Variants in THOC5 observed in about 807,000 individuals in gnomAD.
The protein encoded by THOC5 is Fms-interacting protein.
THOC5 carries 43 observed loss-of-function variants against 92.9 expected under a neutral mutation model. The ratio of observed to expected loss-of-function variants is 0.46; its 90% confidence interval spans 0.36 to 0.60. The LOEUF (loss-of-function observed/expected upper bound fraction) is 0.60. Among genes scored for constraint, THOC5 ranks in the 20% least tolerant of loss-of-function variants. The probability of loss-of-function intolerance (pLI) is 0.00; values close to 1 mark genes in which losing one functional copy is unlikely to be tolerated. For synonymous variants in THOC5, 296 were observed against 320.1 expected, an observed-to-expected ratio of 0.92 and a Z score of 0.80; for missense variants, 659 against 849.4, an observed-to-expected ratio of 0.78 and a Z score of 2.79.
At chr22:29,523,524 G>C (rs1374494522) in intron 12 of THOC5, among the ~76,000 whole-genome samples, 3 of 152,124 alleles carry the variant, frequency 2.0e-5, no homozygotes. Context: ...CAGGTAGAAA[G>C]ACGAACACGT....
In THOC5 at chr22:29,512,065, T is replaced by A. The variant is rs1431155805; in HGVS notation, c.1753A>T (p.Asn585Tyr). The change falls in exon 18 of 20, where the codon AAC becomes TAC. Residue 585 changes from asparagine to tyrosine, a missense_variant. Asn to Tyr is a moderately radical substitution (Grantham distance 143). Transcript: ENST00000490103. The stretch of plus-strand genomic sequence containing the variant: ...CTGTTGGTTTTCTCCCCTTTCCAGT[T>A]CAAACAGAGCTGGAAAACAGGTGGG... The part of the protein sequence containing the change: ...SIPPVFQLCL[N>Y]WKGEKTNSND... The A allele has an allele frequency of 6.2e-7, 1 of 1,614,100 alleles. No individual in the cohort carries two copies. Among genetic ancestry groups the A allele is most frequent in the Non-Finnish European group, 8.5e-7 (1 of 1,179,992 alleles).
chr22:29,549,254 A>G, intron 1 of THOC5, 96 bp from the exon 2 acceptor site: 1 of 1,044,908 alleles, frequency 9.6e-7, no homozygotes, highest in Non-Finnish European at 1.5e-6. Context: ...TAACTCAAGG[A>G]AAGTCATTTA....
At chr22:29,528,983 G>T in intron 9 of THOC5, 179 bp downstream of exon 9, 1 of 615,490 alleles carries the variant, frequency 1.6e-6, no homozygotes, top group Non-Finnish European at 2.8e-6. Flanking sequence ...TGAAATCCAC[G>T]GGCCGCACCT....
In THOC5 at chr22:29,531,953, G is replaced by A. The variant is rs775359319; in HGVS notation, c.725C>T (p.Pro242Leu). Residue 242 changes from proline to leucine, a missense_variant, in exon 8 of 20, where the codon CCG (proline) becomes CTG (leucine). Coordinates refer to ENST00000490103, the MANE Select transcript of THOC5 (RefSeq NM_003678.5). ...TGGCATAAACAGGTACTCCTGCACC[G>A]GAAGGGAAGCCTGCACACAAGAGAC... is the stretch of plus-strand genomic sequence containing the variant. Reference protein sequence around the residue: ...RLNSIMQASLPVQEYLFMPFD... With the variant: ...RLNSIMQASLLVQEYLFMPFD... 10 of 1,613,998 alleles carry A rather than the reference G, an allele frequency of 6.2e-6. No individual in the cohort carries two copies. Among genetic ancestry groups the A allele is most frequent in the East Asian group, 2.2e-5 (1 of 44,878 alleles).
chr22:29,539,254 T>C, intron 6 of THOC5, 76 bp downstream of exon 6: 1 of 1,489,972 alleles, frequency 6.7e-7, no homozygotes, highest in Admixed American at 2.0e-5. Context: ...TTGCACAGTG[T>C]TTTGCTGCCT....
chr22:29,532,042 A>G (rs979598298), intron 7 of THOC5, 79 bp from the exon 8 acceptor site: 3 of 1,528,556 alleles, frequency 2.0e-6, no homozygotes, highest in African/African-American at 2.8e-5. Context: ...AGTGACCGTA[A>G]ATCATTATTT....
chr22:29,518,990 C>CATGG lies in THOC5; in HGVS notation c.1489+15_1489+16insCCAT, dbSNP rs1681936146. The CATGG allele has an allele frequency of 4.0e-6, 6 of 1,518,672 alleles. No homozygotes were observed. Among genetic ancestry groups the CATGG allele is most frequent in the Non-Finnish European group, 5.4e-6 (6 of 1,105,746 alleles). 94.1% of individuals were successfully genotyped at this position (1,518,672 alleles called of 1,614,324 possible). A position where few individuals can be genotyped will look rare whatever the true frequency, so the allele number is the denominator to read the frequency against. ...GTCTGAGTGACTCTTAAACCACTGCCCCATCATCAGCTTACCTAGGGATGC... is the reference window on the plus strand; with the variant it reads ...GTCTGAGTGACTCTTAAACCACTGCCATGGCCATCATCAGCTTACCTAGGGATGC... On this transcript the variant is annotated intron_variant, in intron 15 of 19. Transcript: ENST00000490103.
intron 12 of THOC5, among the ~76,000 whole-genome samples, chr22:29,525,047 A>AG (rs2063516706): frequency 6.6e-6 from 1 of 152,120 alleles, no homozygotes; most frequent in Non-Finnish European, 1.5e-5. Flanking sequence ...CAGAGACGGG[A>AG]GGAGTGCTTG....
chr22:29,515,028 T>A (rs1436819026), intron 17 of THOC5, among the ~76,000 whole-genome samples: 1 of 144,912 alleles, frequency 6.9e-6, no homozygotes, highest in Non-Finnish European at 1.5e-5. Context: ...TAAATTAAGG[T>A]ATATATATTG....
rs147209056 is a variant in THOC5 at position 29,545,335 on chromosome 22, G to A, written c.97-732C>T. Reference sequence around the variant, plus strand: ...TTTAAATCCCAAACCATATCATTCCGCCCCTGGCCCCTCCGAATCTCATGT... The same window carrying A: ...TTTAAATCCCAAACCATATCATTCCACCCCTGGCCCCTCCGAATCTCATGT... On this transcript the variant is annotated intron_variant, in intron 2 of 19. Coordinates refer to ENST00000490103, the MANE Select transcript of THOC5 (RefSeq NM_003678.5). 2.4e-4 allele frequency among the ~76,000 whole-genome samples: 36 copies of A among 152,014 alleles called. 1 individual carries two copies. The highest frequency in any genetic ancestry group is 2.2e-4 in the African/African-American group (9 of 41,444).
At position 29,511,205 on chromosome 22, in the gene THOC5, C is replaced by G. The variant is rs1485508597; in HGVS notation, c.1889G>C (p.Cys630Ser). ...QLLTNQLQRL[C>S]VLLDVYLETE... is the part of the protein sequence containing the mutation. ...CTCCAGGTAAACATCCAGCAGCACA[C>G]ACAGCCGCTGCAGCTGGTTGGTCAA... is the stretch of plus-strand genomic sequence containing the variant. Residue 630 changes from cysteine to serine, a missense_variant, in exon 19 of 20, where the codon TGT becomes TCT. Physicochemically the swap from Cys to Ser is moderately radical, Grantham distance 112. Transcript: ENST00000490103. 2 of 1,614,132 alleles carry G rather than the reference C, an allele frequency of 1.2e-6. No individual in the cohort carries two copies. The highest frequency in any genetic ancestry group is 2.7e-5 in the African/African-American group (2 of 74,946).
intron 5 of THOC5, 56 bp downstream of exon 5, chr22:29,542,803 G>A: frequency 1.6e-6 from 2 of 1,227,018 alleles, no homozygotes; most frequent in South Asian, 1.3e-5. Context: ...AGCTACATGG[G>A]AAAAAGCAGT....
chr22:29,550,821 T>C (rs2064127202), intron 1 of THOC5: 1 of 152,184 alleles, frequency 6.6e-6, no homozygotes, highest in South Asian at 2.1e-4. Context: ...GATGCATAGG[T>C]GATCTTAAAT....
chr22:29,531,939 G>T lies in THOC5; in HGVS notation c.739C>A (p.Leu247Met). ...MQASLPVQEY[L>M]FMPFDQAHKQ... ...TGAGCCTGGTCGAATGGCATAAACAGGTACTCCTGCACCGGAAGGGAAGCC... is the reference window on the plus strand; with the variant it reads ...TGAGCCTGGTCGAATGGCATAAACATGTACTCCTGCACCGGAAGGGAAGCC... The change falls in exon 8 of 20, where the codon CTG becomes ATG. Residue 247 changes from leucine to methionine, a missense_variant. By Grantham distance (15) the Leu-to-Met change is conservative. Transcript: ENST00000490103. 1 of 1,614,162 alleles carries T rather than the reference G, an allele frequency of 6.2e-7. No individual in the cohort carries two copies. The highest frequency in any genetic ancestry group is 8.5e-7 in the Non-Finnish European group (1 of 1,180,028).
At position 29,525,882 on chromosome 22, in the gene THOC5, G is replaced by C; in HGVS notation, c.1131C>G (p.Ala377=). The part of the protein sequence containing the change: ...LMNLNIMTVK[A]KVTTAMELIT... ...TCAGCTCCATGGCAGTTGTCACTTT[G>C]GCTTTTACTGTCATGATGTTGAGGT... The change falls in exon 12 of 20, where the codon GCC becomes GCG. Residue 377 remains alanine, a synonymous_variant. Coordinates refer to ENST00000490103, the MANE Select transcript of THOC5 (RefSeq NM_003678.5). 6.2e-7 allele frequency: 1 copy of C among 1,614,062 alleles called. No homozygotes were observed. Among genetic ancestry groups the C allele is most frequent in the Non-Finnish European group, 8.5e-7 (1 of 1,179,986 alleles).
chr22:29,539,253 G>A, intron 6 of THOC5, 77 bp downstream of exon 6: 1 of 1,483,868 alleles, frequency 6.7e-7, no homozygotes, highest in South Asian at 1.2e-5. Flanking sequence ...GTTGCACAGT[G>A]TTTTGCTGCC....
intron 18 of THOC5, 48 bp downstream of exon 18, chr22:29,511,973 C>T (rs1357963530): frequency 1.3e-6 from 2 of 1,543,426 alleles, no homozygotes; most frequent in Admixed American, 1.7e-5. Context: ...CGGCCACCTC[C>T]CCCGGGAGCT....
chr22:29,525,697 C>A lies in THOC5; in HGVS notation c.1175+141G>T, dbSNP rs1012730304. 7.0e-6 allele frequency: 4 copies of A among 570,206 alleles called. No individual in the cohort carries two copies. The South Asian group carries it at 9.9e-5, about 14-fold the overall frequency. The allele number at this position is 570,206 out of a possible 1,614,324, so 35.3% of individuals were successfully genotyped here. A position where few individuals can be genotyped will look rare whatever the true frequency, so the allele number is the denominator to read the frequency against. On this transcript the variant is annotated intron_variant, in intron 12 of 19. Coordinates refer to ENST00000490103, the MANE Select transcript of THOC5 (RefSeq NM_003678.5). Reference sequence around the variant, plus strand: ...AAATACCAGCGATGTGCCAGGACTTCTGGTCCATCTGGATACAAGACAAGT... The same window carrying A: ...AAATACCAGCGATGTGCCAGGACTTATGGTCCATCTGGATACAAGACAAGT...
chr22:29,553,515 G>C (rs1227338272), intron 1 of THOC5, 156 bp downstream of exon 1: 1 of 152,618 alleles, frequency 6.6e-6, no homozygotes, highest in African/African-American at 2.4e-5. Flanking sequence ...TGAGGTAACA[G>C]CGCAGCGCCG....
Sources: allele counts gnomAD v4.1 joint callset (sites outside exome capture counted in the v4.1 genomes callset), GRCh38; gene constraint gnomAD v4.1.1; transcripts MANE v1.5; gene names NCBI Gene and HGNC (gene_info 2026-07-23, HGNC 2026-07-21).